Variants in SEMA3A observed in about 807,000 individuals in gnomAD.
SEMA3A encodes semaphorin-3A.
A neutral mutation model predicts 97.9 loss-of-function variants in SEMA3A; 29 were observed. The ratio of observed to expected loss-of-function variants is 0.30; its 90% CI spans 0.22 to 0.40. SEMA3A has a LOEUF of 0.40. Among genes scored for constraint, SEMA3A ranks in the 10% least tolerant of loss-of-function variants. The pLI is 1.00. For synonymous variants in SEMA3A, 321 were observed against 323.7 expected (o/e 0.99, Z 0.09); for missense variants, 763 against 951.3 (o/e 0.80, Z 2.60).
chr7:83,988,805 A>C (rs2116339789), intron 12 of SEMA3A, among the ~76,000 whole-genome samples: 1 of 151,840 alleles, frequency 6.6e-6, no homozygotes, highest in Admixed American at 6.6e-5. Context: ...AATCTTTAGA[A>C]TTTAGTGGCC....
At chr7:83,995,282 C>T (rs529503052) in intron 12 of SEMA3A, among the ~76,000 whole-genome samples, 51 of 152,248 alleles carry the variant, frequency 3.3e-4, no homozygotes, top group African/African-American at 1.1e-3. Context: ...TCTTCTGCGT[C>T]GCTCACTCTG....
intron 1 of SEMA3A, among the ~76,000 whole-genome samples, chr7:84,481,532 AT>A (rs1158908100): frequency 2.0e-5 from 3 of 152,194 alleles, no homozygotes; most frequent in Admixed American, 6.5e-5. Context: ...TATCTCTGAT[AT>A]TTCCCCAAAA....
chr7:84,278,784 C>T (rs1800371529), intron 3 of SEMA3A, among the ~76,000 whole-genome samples: 1 of 152,006 alleles, frequency 6.6e-6, no homozygotes. Context: ...GGTGCCAAAC[C>T]ATTCATGAGA....
intron 4 of SEMA3A, among the ~76,000 whole-genome samples, chr7:84,102,874 G>A (rs1794999985): frequency 1.3e-5 from 2 of 151,948 alleles, no homozygotes; most frequent in South Asian, 4.1e-4. Context: ...GAGTCACTGT[G>A]CCCGGCCTTT....
At chr7:84,217,466 ATC>A (rs1798776669) in intron 3 of SEMA3A, among the ~76,000 whole-genome samples, 1 of 152,178 alleles carries the variant, frequency 6.6e-6, no homozygotes, top group Non-Finnish European at 1.5e-5. Flanking sequence ...TATATAAAAA[ATC>A]TGTTTCCATT....
intron 3 of SEMA3A, among the ~76,000 whole-genome samples, chr7:84,115,612 A>G: frequency 6.6e-6 from 1 of 151,914 alleles, no homozygotes; most frequent in East Asian, 1.9e-4. Flanking sequence ...TTATACTATC[A>G]CTCTGATTCA....
At chr7:84,330,696 T>A (rs375035170) in intron 2 of SEMA3A, among the ~76,000 whole-genome samples, 84 of 152,250 alleles carry the variant, frequency 5.5e-4, no homozygotes, top group African/African-American at 1.9e-3. Context: ...TGTTTTTTAT[T>A]TATTTTTTTG....
chr7:84,442,165 A>C (rs1011235898), intron 1 of SEMA3A, among the ~76,000 whole-genome samples: 7 of 152,152 alleles, frequency 4.6e-5, no homozygotes, highest in African/African-American at 1.7e-4. Context: ...AAGAGTAATA[A>C]ATTACAAAAT....
At chr7:84,071,957 G>A (rs150448833) in intron 4 of SEMA3A, among the ~76,000 whole-genome samples, 6 of 152,168 alleles carry the variant, frequency 3.9e-5, no homozygotes, top group Non-Finnish European at 8.8e-5. Context: ...GCCTTCAGGA[G>A]CTAATAAGTT....
chr7:84,309,761 G>A (rs898858521), intron 2 of SEMA3A, among the ~76,000 whole-genome samples: 1 of 152,274 alleles, frequency 6.6e-6, no homozygotes, highest in Non-Finnish European at 1.5e-5. Flanking sequence ...CCTGAAGGAA[G>A]ACTATGCTAA....
At chr7:83,976,419 C>T in intron 15 of SEMA3A, among the ~76,000 whole-genome samples, 1 of 151,900 alleles carries the variant, frequency 6.6e-6, no homozygotes, top group East Asian at 1.9e-4. Flanking sequence ...TGATAAGTTC[C>T]CCCAGCAGAG....
intron 4 of SEMA3A, among the ~76,000 whole-genome samples, chr7:84,069,374 A>G (rs1793658559): frequency 6.6e-6 from 1 of 152,172 alleles, no homozygotes; most frequent in Admixed American, 6.6e-5. Context: ...AATACTTAGT[A>G]TGCCCTTGAA....
At position 84,131,502 on chromosome 7, in the gene SEMA3A, C is replaced by T. The variant is rs867498948; in HGVS notation, c.271-2317G>A. 1.6e-4 allele frequency among the ~76,000 whole-genome samples: 24 copies of T among 152,202 alleles called. No individual in the cohort carries two copies. The Middle Eastern group carries it at 0.01, about 65-fold the overall frequency. ...CATTTATGCTTTAAAGAGATTGTAC[C>T]CTTTTATCAAAGCCAAGAATCTTTC... is the stretch of plus-strand genomic sequence containing the variant. On this transcript the variant is annotated intron_variant, in intron 2 of 16. Transcript: ENST00000265362.
chr7:84,040,391 T>A (rs1373609798), intron 6 of SEMA3A, among the ~76,000 whole-genome samples: 1 of 151,974 alleles, frequency 6.6e-6, no homozygotes, highest in Non-Finnish European at 1.5e-5. Context: ...CAGAATAGAA[T>A]TTGTTTCACC....
chr7:84,356,534 A>G (rs1056631514), intron 2 of SEMA3A, among the ~76,000 whole-genome samples: 2 of 151,680 alleles, frequency 1.3e-5, no homozygotes, highest in African/African-American at 2.4e-5. Context: ...ATAAGCAGTG[A>G]TTTAGTAGCA....
chr7:84,184,889 C>G (rs180881473), intron 1 of SEMA3A, among the ~76,000 whole-genome samples: 14 of 152,188 alleles, frequency 9.2e-5, no homozygotes, highest in African/African-American at 3.4e-4. Context: ...GAGCAGAGAA[C>G]TTGGTTAGAC....
At chr7:84,182,327 T>G (rs1797758727) in intron 1 of SEMA3A, among the ~76,000 whole-genome samples, 1 of 152,124 alleles carries the variant, frequency 6.6e-6, no homozygotes, top group Admixed American at 6.5e-5. Context: ...TGTGTCTTCA[T>G]GGACCAAGTC....
At chr7:84,239,237 A>G (rs1799306016) in intron 3 of SEMA3A, among the ~76,000 whole-genome samples, 1 of 152,218 alleles carries the variant, frequency 6.6e-6, no homozygotes, top group Admixed American at 6.5e-5. Flanking sequence ...TTTTTTAATT[A>G]TCTACTTATT....
intron 3 of SEMA3A, among the ~76,000 whole-genome samples, chr7:84,286,081 T>G (rs1273752818): frequency 6.6e-6 from 1 of 152,038 alleles, no homozygotes; most frequent in Non-Finnish European, 1.5e-5. Flanking sequence ...GGATTAAAAT[T>G]CCACTGAAGT....
Sources: gnomAD v4.1 joint callset for allele counts (sites outside exome capture counted in the v4.1 genomes callset) on GRCh38, gnomAD v4.1.1 for gene constraint, MANE v1.5 for transcripts, NCBI Gene and HGNC (gene_info 2026-07-23, HGNC 2026-07-21) for gene names.